DCAF12: variants seen among roughly 807,000 people sequenced by gnomAD.
DCAF12 encodes the protein DDB1 and CUL4 associated factor 12, also known as DDB1- and CUL4-associated factor 12.
Under a neutral mutation model 52.8 loss-of-function variants are expected in DCAF12, and 28 were observed. That is an observed-to-expected ratio of 0.53 (90% CI 0.39 to 0.73). DCAF12 has a LOEUF of 0.73. Ranked by LOEUF, DCAF12 falls within the 30% of genes least tolerant of loss-of-function variation. The probability of loss-of-function intolerance (pLI) is 0.00; values close to 1 mark genes in which losing one functional copy is unlikely to be tolerated. For missense variants in DCAF12, 425 were observed against 552.2 expected, an observed-to-expected ratio of 0.77 and a Z score of 2.31; for synonymous variants, 196 against 215.5, an observed-to-expected ratio of 0.91 and a Z score of 0.79.
intron 2 of DCAF12, among the ~76,000 whole-genome samples, chr9:34,123,658 C>T (rs1184646058): frequency 6.6e-6 from 1 of 152,098 alleles, no homozygotes; most frequent in African/African-American, 2.4e-5. Context: ...TTATTATGCT[C>T]GCCTTCAAAA....
intron 2 of DCAF12, among the ~76,000 whole-genome samples, chr9:34,113,630 G>A (rs944735809): frequency 5.3e-5 from 8 of 151,852 alleles, no homozygotes; most frequent in East Asian, 3.9e-4. Context: ...ATGAGCCACC[G>A]CACCAAGGCT....
intron 4 of DCAF12, among the ~76,000 whole-genome samples, chr9:34,104,518 A>C (rs573951155): frequency 1.6e-4 from 25 of 152,324 alleles, no homozygotes; most frequent in Admixed American, 4.6e-4. Flanking sequence ...CAAAGATTTG[A>C]GCATCAGAGT....
intron 5 of DCAF12, among the ~76,000 whole-genome samples, chr9:34,097,141 C>T (rs939508358): frequency 1.3e-5 from 2 of 152,040 alleles, no homozygotes; most frequent in Admixed American, 1.3e-4. Flanking sequence ...TTAATCTACC[C>T]TTAGGCCATA....
chr9:34,103,952 T>C (rs760487029), intron 4 of DCAF12, among the ~76,000 whole-genome samples: 13 of 152,134 alleles, frequency 8.5e-5, no homozygotes, highest in Non-Finnish European at 1.9e-4. Context: ...CCCACACTGC[T>C]AATCTCCTGA....
At chr9:34,098,650 G>T in intron 4 of DCAF12, 133 bp from the exon 5 acceptor site, 2 of 851,912 alleles carry the variant, frequency 2.3e-6, no homozygotes, top group South Asian at 1.9e-5. Flanking sequence ...TGGCCAGATG[G>T]CCCACCCTAA....
chr9:34,090,811 C>A (rs765295908), intron 7 of DCAF12, among the ~76,000 whole-genome samples: 1 of 151,736 alleles, frequency 6.6e-6, no homozygotes, highest in East Asian at 2.0e-4. Context: ...CCCGCTACCA[C>A]CCCCAGCTAA....
chr9:34,117,806 C>T (rs940248802), intron 2 of DCAF12, among the ~76,000 whole-genome samples: 7 of 151,972 alleles, frequency 4.6e-5, no homozygotes, highest in South Asian at 4.2e-4. Context: ...TCCAGCTACT[C>T]GGGAGGCTGA....
At chr9:34,089,110 C>CAAAAAAAAAA (rs771038838) in intron 8 of DCAF12, among the ~76,000 whole-genome samples, 1 of 92,476 alleles carries the variant, frequency 1.1e-5, no homozygotes, top group African/African-American at 3.9e-5. Flanking sequence ...GACCCTGTCT[C>CAAAAAAAAAA]AAAAAAAAAA....
intron 2 of DCAF12, among the ~76,000 whole-genome samples, chr9:34,115,909 ACTGC>A (rs1829081582): frequency 5.9e-5 from 9 of 152,196 alleles, no homozygotes; most frequent in African/African-American, 1.9e-4. Context: ...AAGGTAGTTC[ACTGC>A]ATGAATATAC....
At chr9:34,117,415 G>A (rs1424497854) in intron 2 of DCAF12, among the ~76,000 whole-genome samples, 2 of 151,644 alleles carry the variant, frequency 1.3e-5, no homozygotes, top group African/African-American at 4.8e-5. Context: ...CGGCCAAAGT[G>A]CTGGCATTAC....
At chr9:34,113,787 T>C (rs1057103726) in intron 2 of DCAF12, among the ~76,000 whole-genome samples, 1 of 152,184 alleles carries the variant, frequency 6.6e-6, no homozygotes, top group Non-Finnish European at 1.5e-5. Flanking sequence ...TCAGCCGAAG[T>C]GTGCATCAGT....
Position 34,086,755 on chromosome 9 carries a change from G to A in DCAF12, c.*1595C>T, listed in dbSNP as rs1177308737. On this transcript the variant is annotated 3_prime_UTR_variant, in exon 9 of 9. Coordinates refer to ENST00000361264, the MANE Select transcript of DCAF12 (RefSeq NM_015397.4). ...TGTAACAAGTTAGGGTGGACTTGCT[G>A]TCTCTCCTCTCCAGTAGCCCCCCAC... 6.6e-6 allele frequency: 1 copy of A among 152,106 alleles called. No individual in the cohort carries two copies. The highest frequency in any genetic ancestry group is 1.5e-5 in the Non-Finnish European group (1 of 68,026). 9.4% of individuals were successfully genotyped at this position (152,106 alleles called of 1,614,324 possible).
intron 2 of DCAF12, among the ~76,000 whole-genome samples, chr9:34,124,323 T>C (rs1466543349): frequency 6.6e-6 from 1 of 152,240 alleles, no homozygotes; most frequent in Non-Finnish European, 1.5e-5. Flanking sequence ...TGTGACATCA[T>C]GCTATTCGTG....
At chr9:34,124,627 C>T (rs548864967) in intron 2 of DCAF12, among the ~76,000 whole-genome samples, 13 of 152,142 alleles carry the variant, frequency 8.5e-5, no homozygotes, top group Non-Finnish European at 1.9e-4. Flanking sequence ...TTAAATACTT[C>T]GACATACGTT....
At chr9:34,090,676 T>C (rs1052803033) in intron 7 of DCAF12, among the ~76,000 whole-genome samples, 4 of 151,806 alleles carry the variant, frequency 2.6e-5, no homozygotes, top group South Asian at 2.1e-4. Flanking sequence ...TCTTTTCTCT[T>C]TTTTTTTGAG....
In DCAF12 at chr9:34,126,501, T is replaced by A; in HGVS notation, c.-70A>T. 6.5e-7 allele frequency: 1 copy of A among 1,535,032 alleles called. No homozygotes were observed. Among genetic ancestry groups the A allele is most frequent in the Non-Finnish European group, 8.7e-7 (1 of 1,143,066 alleles). On this transcript the variant is annotated 5_prime_UTR_variant, in exon 1 of 9. Transcript: ENST00000361264. Reference sequence around the variant, plus strand: ...AAGCGAAGGATAGCAGGACGGCGGGTCATATACTGGGCCCCGGGGCCGCGC... The same window carrying A: ...AAGCGAAGGATAGCAGGACGGCGGGACATATACTGGGCCCCGGGGCCGCGC...
intron 2 of DCAF12, among the ~76,000 whole-genome samples, chr9:34,113,950 T>C (rs1454650810): frequency 6.6e-6 from 1 of 151,582 alleles, no homozygotes; most frequent in Admixed American, 6.6e-5. Context: ...CTACTAAAAA[T>C]ACAAAAAATT....
chr9:34,126,170 G>A (rs912938360), intron 1 of DCAF12, among the ~76,000 whole-genome samples, 184 bp downstream of exon 1: 21 of 152,086 alleles, frequency 1.4e-4, no homozygotes, highest in African/African-American at 5.1e-4. Context: ...GCTCCTCACC[G>A]CCCTGGCCTA....
intron 7 of DCAF12, among the ~76,000 whole-genome samples, 173 bp downstream of exon 7, chr9:34,093,113 T>C (rs1828672514): frequency 6.6e-6 from 1 of 152,238 alleles, no homozygotes; most frequent in Non-Finnish European, 1.5e-5. Flanking sequence ...CCTCCCAAAG[T>C]GCTGGGATTA....
Sources: allele counts gnomAD v4.1 joint callset (sites outside exome capture counted in the v4.1 genomes callset), GRCh38; gene constraint gnomAD v4.1.1; transcripts MANE v1.5; gene names NCBI Gene and HGNC (gene_info 2026-07-23, HGNC 2026-07-21).